MAGT1: variants seen among roughly 807,000 people sequenced by gnomAD.
MAGT1 encodes the protein magnesium transporter 1, also known as dolichyl-diphosphooligosaccharide--protein glycosyltransferase subunit MAGT1.
MAGT1 carries 4 observed loss-of-function variants against 28.4 expected under a neutral mutation model. The ratio of observed to expected loss-of-function variants is 0.14; its 90% CI spans 0.07 to 0.32. MAGT1 has a LOEUF of 0.32. Ranked by LOEUF, MAGT1 falls within the 10% of genes least tolerant of loss-of-function variation. MAGT1 has a pLI of 1.00. For synonymous variants in MAGT1, 89 were observed against 89.7 expected (o/e 0.99, Z 0.04); for missense variants, 193 against 264.5 (o/e 0.73, Z 1.88).
chrX:77,894,784 G>T (rs1000332186), intron 1 of MAGT1, among the ~76,000 whole-genome samples: 1 of 112,122 alleles, frequency 8.9e-6, no homozygotes, highest in African/African-American at 3.2e-5. Context: ...TACATTTGTG[G>T]AATGATTGAA....
intron 3 of MAGT1, among the ~76,000 whole-genome samples, chrX:77,865,583 C>T (rs1408533031): frequency 1.8e-5 from 2 of 110,649 alleles, no homozygotes; most frequent in Non-Finnish European, 3.8e-5. Context: ...GTGAGCCAAC[C>T]GCACCTGGCT....
In MAGT1 at chrX:77,828,890, C is replaced by A; in HGVS notation, c.*330G>T. 5.8e-6 allele frequency: 1 copy of A among 172,810 alleles called. No individual in the cohort carries two copies. Among genetic ancestry groups the A allele is most frequent in the Non-Finnish European group, 1.1e-5 (1 of 92,271 alleles). 14.2% of individuals were successfully genotyped at this position (172,810 alleles called of 1,213,427 possible). A position where few individuals can be genotyped will look rare whatever the true frequency, so the allele number is the denominator to read the frequency against. ...ATATAAAATCAGATGACCAAGTTAA[C>A]TAAAGTAGTTTTGAGCTTTGTTCTA... On this transcript the variant is annotated 3_prime_UTR_variant, in exon 10 of 10. Transcript: ENST00000618282.
At chrX:77,857,920 G>A (rs1197317341) in intron 3 of MAGT1, among the ~76,000 whole-genome samples, 1 of 111,429 alleles carries the variant, frequency 9.0e-6, no homozygotes, top group Non-Finnish European at 1.9e-5. Context: ...AAACAGCAGT[G>A]AAAAGCAATA....
chrX:77,880,577 T>C (rs1249080486), intron 1 of MAGT1, among the ~76,000 whole-genome samples: 2 of 110,238 alleles, frequency 1.8e-5, no homozygotes, highest in African/African-American at 3.3e-5. Context: ...GAAAAAATTC[T>C]GGTAAGGGCC....
chrX:77,877,686 G>T (rs375801246), intron 1 of MAGT1, among the ~76,000 whole-genome samples: 1 of 107,275 alleles, frequency 9.3e-6, no homozygotes, highest in East Asian at 2.9e-4. Flanking sequence ...GGTGGTGGGT[G>T]CCTGTAATCC....
intron 8 of MAGT1, among the ~76,000 whole-genome samples, chrX:77,839,233 G>T (rs1010191263): frequency 9.3e-6 from 1 of 106,953 alleles, no homozygotes; most frequent in Non-Finnish European, 1.9e-5. Flanking sequence ...GAACCTGGGA[G>T]GCAGAGCTTG....
rs186381285 is a variant in MAGT1 at position 77,870,791 on chromosome X, T to G, written c.390+17A>C. 2.1e-5 allele frequency: 22 copies of G among 1,070,853 alleles called. No homozygotes were observed. In the South Asian group the frequency reaches 3.2e-4, roughly 15 times the overall value. The allele number at this position is 1,070,853 out of a possible 1,213,427, so 88.3% of individuals were successfully genotyped here. A position where few individuals can be genotyped will look rare whatever the true frequency, so the allele number is the denominator to read the frequency against. On this transcript the variant is annotated intron_variant, in intron 3 of 9. Transcript: ENST00000618282. ...TTTTACCTATTTTTATATAGCAGAA[T>G]AAACCAAAGATCTTACCATCTGAAA...
At position 77,846,568 on chromosome X, in the gene MAGT1, C is replaced by T. The variant is rs782695475; in HGVS notation, c.827-5248G>A. Reference sequence around the variant, plus strand: ...TTTTTCCCCATCTTTGTGGTTTTATCTACCTTTGGTCTTTGATGATGGTGA... The same window carrying T: ...TTTTTCCCCATCTTTGTGGTTTTATTTACCTTTGGTCTTTGATGATGGTGA... On this transcript the variant is annotated intron_variant, in intron 7 of 9. Transcript: ENST00000618282. 1.2e-4 allele frequency among the ~76,000 whole-genome samples: 14 copies of T among 112,015 alleles called. 1 individual carries two copies. The South Asian group carries it at 2.6e-3, about 21-fold the overall frequency.
At position 77,828,966 on chromosome X, in the gene MAGT1, T is replaced by C; in HGVS notation, c.*254A>G. 1 of 308,759 alleles carries C rather than the reference T, an allele frequency of 3.2e-6. No homozygotes were observed. The highest frequency in any genetic ancestry group is 5.7e-6 in the Non-Finnish European group (1 of 173,965). The allele number at this position is 308,759 out of a possible 1,213,427, so 25.4% of individuals were successfully genotyped here. ...ATTTTTATAATATACTTAATTGTAC[T>C]AAATTAAATGTTCCATAAAGTTCAC... is the stretch of plus-strand genomic sequence containing the variant. On this transcript the variant is annotated 3_prime_UTR_variant, in exon 10 of 10. Transcript: ENST00000618282.
chrX:77,888,021 G>A (rs1349269614), intron 1 of MAGT1, among the ~76,000 whole-genome samples: 1 of 111,439 alleles, frequency 9.0e-6, no homozygotes, highest in Non-Finnish European at 1.9e-5. Context: ...TGTTGGCCAG[G>A]CTGGTCTCAA....
At chrX:77,856,931 G>T in intron 4 of MAGT1, 58 bp from the exon 5 acceptor site, 2 of 1,007,755 alleles carry the variant, frequency 2.0e-6, no homozygotes, top group Admixed American at 5.1e-5. Flanking sequence ...TAATTATATG[G>T]GTCAAAATAA....
chrX:77,841,540 A>G (rs1401655632), intron 7 of MAGT1, among the ~76,000 whole-genome samples: 3 of 112,244 alleles, frequency 2.7e-5, no homozygotes, highest in Non-Finnish European at 5.6e-5. Context: ...TTGTGCAAAG[A>G]AAAATTGATA....
At chrX:77,858,466 C>T (rs2076986890) in intron 3 of MAGT1, among the ~76,000 whole-genome samples, 1 of 111,856 alleles carries the variant, frequency 8.9e-6, no homozygotes, top group Admixed American at 9.6e-5. Context: ...GCTGGGTTTA[C>T]AGGCGTGAGC....
intron 1 of MAGT1, among the ~76,000 whole-genome samples, chrX:77,878,927 TAG>T (rs1310576253): frequency 1.8e-5 from 2 of 111,675 alleles, no homozygotes; most frequent in African/African-American, 3.2e-5. Context: ...AAAAAAGAGC[TAG>T]AGTTTGTTCC....
chrX:77,866,521 T>G (rs953677736), intron 3 of MAGT1, among the ~76,000 whole-genome samples: 4 of 66,753 alleles, frequency 6.0e-5, no homozygotes, highest in African/African-American at 1.4e-4. Flanking sequence ...TGTATATCTT[T>G]GGAAGATAGT....
chrX:77,857,423 C>G lies in MAGT1; in HGVS notation c.465G>C (p.Glu155Asp), dbSNP rs1369530558. The G allele has an allele frequency of 8.3e-7, 1 of 1,210,123 alleles. No individual in the cohort carries two copies. Among genetic ancestry groups the G allele is most frequent in the Non-Finnish European group, 1.1e-6 (1 of 895,211 alleles). ...CAGCTGAAAAACCCCGCACCTGTAA[C>G]TCATATGTATCACCCCGTTTGGGTT... ...KGKPKRGDTY[E>D]LQVRGFSAEQ... The change falls in exon 4 of 10, where the codon GAG becomes GAC. Residue 155 changes from glutamate (E) to aspartate (D), a missense_variant. Physicochemically the swap from Glu to Asp is conservative, Grantham distance 45 (BLOSUM62 2). Transcript: ENST00000618282.
At chrX:77,855,024 G>A (rs1396907229) in intron 6 of MAGT1, among the ~76,000 whole-genome samples, 2 of 111,642 alleles carry the variant, frequency 1.8e-5, no homozygotes, top group African/African-American at 3.3e-5. Flanking sequence ...AGAGCACTGC[G>A]GCCGGGTGCG....
chrX:77,881,903 A>G (rs2077053790), intron 1 of MAGT1, among the ~76,000 whole-genome samples: 1 of 111,735 alleles, frequency 8.9e-6, no homozygotes, highest in South Asian at 3.7e-4. Context: ...CCTCAATAAA[A>G]TACTGGCAAA....
chrX:77,890,651 T>C (rs1178787938), intron 1 of MAGT1, among the ~76,000 whole-genome samples: 7 of 112,349 alleles, frequency 6.2e-5, no homozygotes, highest in African/African-American at 2.3e-4. Context: ...AAAGATCAAC[T>C]GCAAAACATT....
Sources: gnomAD v4.1 joint callset for allele counts (sites outside exome capture counted in the v4.1 genomes callset) on GRCh38, gnomAD v4.1.1 for gene constraint, MANE v1.5 for transcripts, NCBI Gene and HGNC (gene_info 2026-07-23, HGNC 2026-07-21) for gene names.